The following AGO4 variants were observed in gnomAD, a reference collection of about 807,000 sequenced individuals.
AGO4 encodes the protein argonaute RISC component 4, also known as protein argonaute-4.
AGO4 carries 33 observed loss-of-function variants against 104.7 expected under a neutral mutation model. The observed-to-expected ratio is 0.32, with a 90% confidence interval of 0.24 to 0.42. The LOEUF is 0.42. Among genes scored for constraint, AGO4 ranks in the 10% least tolerant of loss-of-function variants. The pLI, the probability that AGO4 is intolerant of heterozygous loss-of-function variation, is 1.00. For missense variants in AGO4, 711 were observed against 1,083.4 expected (o/e 0.66, Z 4.83); for synonymous variants, 331 against 364.7 (o/e 0.91, Z 1.05).
chr1:35,820,021 G>A (rs1226280962), intron 2 of AGO4, among the ~76,000 whole-genome samples: 2 of 152,108 alleles, frequency 1.3e-5, no homozygotes, highest in Admixed American at 6.6e-5. Context: ...GATTAAAGGC[G>A]ATGAGGAAGT....
intron 17 of AGO4, 69 bp from the exon 18 acceptor site, chr1:35,853,425 TTTG>T (rs913923135): frequency 1.9e-4 from 264 of 1,426,050 alleles, no homozygotes; most frequent in East Asian, 9.1e-4. Context: ...TTTTTGTTTT[TTTG>T]TTGTTGTTGT....
chr1:35,833,964 C>A (rs966609258), intron 11 of AGO4, 26 bp from the exon 12 acceptor site: 7 of 1,425,408 alleles, frequency 4.9e-6, no homozygotes, highest in Non-Finnish European at 6.5e-6. Context: ...ATGAAAAAAA[C>A]CGTGTTACTG....
At position 35,850,902 on chromosome 1, in the gene AGO4, T is replaced by C; in HGVS notation, c.2326T>C (p.Phe776Leu). 6.2e-7 allele frequency: 1 copy of C among 1,613,526 alleles called. No homozygotes were observed. Among genetic ancestry groups the C allele is most frequent in the African/African-American group, 1.3e-5 (1 of 74,808 alleles). ...CCAGGTCTTGTGGGATGACAACTGCTTCACTGCAGATGAACTCCAGCTACT... is the reference window on the plus strand; with the variant it reads ...CCAGGTCTTGTGGGATGACAACTGCCTCACTGCAGATGAACTCCAGCTACT... The part of the protein sequence containing the change: ...HYQVLWDDNC[F>L]TADELQLLTY... The change falls in exon 17 of 18, where the codon TTC (phenylalanine) becomes CTC (leucine). Residue 776 changes from phenylalanine (F) to leucine (L), a missense_variant. Coordinates refer to ENST00000373210, the MANE Select transcript of AGO4 (RefSeq NM_017629.4).
At chr1:35,836,613 A>G (rs541674021) in intron 13 of AGO4, among the ~76,000 whole-genome samples, 1 of 152,130 alleles carries the variant, frequency 6.6e-6, no homozygotes, top group East Asian at 1.9e-4. Flanking sequence ...GTTTCACCAT[A>G]TTAGCCAGGA....
At chr1:35,819,253 A>G (rs1431155539) in intron 2 of AGO4, among the ~76,000 whole-genome samples, 1 of 152,130 alleles carries the variant, frequency 6.6e-6, no homozygotes, top group African/African-American at 2.4e-5. Context: ...GGAGTAGCAG[A>G]TCAGGAGACC....
intron 13 of AGO4, 140 bp downstream of exon 13, chr1:35,836,133 A>T: frequency 1.1e-6 from 1 of 925,786 alleles, no homozygotes. Context: ...ATTCCCAGAT[A>T]AAGATATAGA....
chr1:35,824,734 G>A (rs1557557752), intron 3 of AGO4, among the ~76,000 whole-genome samples: 2 of 152,058 alleles, frequency 1.3e-5, no homozygotes, highest in Non-Finnish European at 2.9e-5. Flanking sequence ...CCAGGACTTT[G>A]AGGCTACAAT....
intron 2 of AGO4, 64 bp downstream of exon 2, chr1:35,817,111 T>C (rs1643735330): frequency 6.9e-7 from 1 of 1,446,800 alleles, no homozygotes; most frequent in Non-Finnish European, 9.3e-7. Flanking sequence ...ATGTATCATA[T>C]TGTTCTCTAA....
Position 35,826,061 on chromosome 1 carries a change from G to C in AGO4, c.760+1G>C. On this transcript the variant is annotated splice_donor_variant, in intron 6 of 17. Coordinates refer to ENST00000373210, the MANE Select transcript of AGO4 (RefSeq NM_017629.4). LOFTEE classifies it high-confidence loss of function. The stretch of plus-strand genomic sequence containing the variant: ...GTCAAATTTACCAAAGAAATCAGAG[G>C]TAAGTGTTTGCATTAATGTAGTCTT... The C allele has an allele frequency of 6.2e-7, 1 of 1,613,790 alleles. No individual in the cohort carries two copies. The highest frequency in any genetic ancestry group is 8.5e-7 in the Non-Finnish European group (1 of 1,179,992).
At position 35,842,762 on chromosome 1, in the gene AGO4, A is replaced by G. The variant is rs191532413; in HGVS notation, c.2175+1012A>G. Among the ~76,000 whole-genome samples, 959 of 152,212 alleles carry G rather than the reference A, an allele frequency of 6.3e-3. 15 individuals carry two copies. Among genetic ancestry groups the G allele is most frequent in the African/African-American group, 0.022 (913 of 41,554 alleles). On this transcript the variant is annotated intron_variant, in intron 15 of 17. Transcript: ENST00000373210. ...GGTTGCAGTGAGCCGAGATCATACC[A>G]CTGCACTCCAGCCTGCACAGAGCAA...
chr1:35,835,609 G>A (rs1644294306), intron 12 of AGO4, among the ~76,000 whole-genome samples: 1 of 152,078 alleles, frequency 6.6e-6, no homozygotes, highest in Non-Finnish European at 1.5e-5. Context: ...ACTGGCTGCA[G>A]GGCCTGCAGG....
intron 1 of AGO4, among the ~76,000 whole-genome samples, chr1:35,814,981 G>T (rs944002487): frequency 6.6e-6 from 1 of 152,076 alleles, no homozygotes. Context: ...GGGTTCAAGC[G>T]ATTCTCCTGC....
chr1:35,819,412 A>G (rs1226983859), intron 2 of AGO4, among the ~76,000 whole-genome samples: 1 of 151,798 alleles, frequency 6.6e-6, no homozygotes, highest in Non-Finnish European at 1.5e-5. Context: ...CTTAGGCAAC[A>G]TGGCTAGACT....
chr1:35,826,613 A>G lies in AGO4; in HGVS notation c.761-135A>G. 2 of 776,864 alleles carry G rather than the reference A, an allele frequency of 2.6e-6. No individual in the cohort carries two copies. The highest frequency in any genetic ancestry group is 1.5e-5 in the South Asian group (1 of 65,978). The allele number at this position is 776,864 out of a possible 1,614,324, so 48.1% of individuals were successfully genotyped here. A position where few individuals can be genotyped will look rare whatever the true frequency, so the allele number is the denominator to read the frequency against. ...GCTTAACTCAGGTTTTTTGCCTATA[A>G]CGATGAAATTGTCCCCATATTCTTG... is the stretch of plus-strand genomic sequence containing the variant. On this transcript the variant is annotated intron_variant, in intron 6 of 17. Transcript: ENST00000373210.
At chr1:35,852,856 T>C (rs1425567381) in intron 17 of AGO4, among the ~76,000 whole-genome samples, 5 of 152,148 alleles carry the variant, frequency 3.3e-5, no homozygotes, top group Non-Finnish European at 7.4e-5. Context: ...CCTAAAGAAA[T>C]TAGCCAGACA....
rs908085714 is a variant in AGO4, at chr1:35,857,426, T to C, written c.*3821T>C. On this transcript the variant is annotated 3_prime_UTR_variant, in exon 18 of 18. Coordinates refer to ENST00000373210, the MANE Select transcript of AGO4 (RefSeq NM_017629.4). ...TGTTTGCATTTGTTCATTTGACTAA[T>C]GGTGTGATTTTTGTTTCTATATTAT... The C allele has an allele frequency of 1.3e-5, 2 of 152,238 alleles. No homozygotes were observed. Among genetic ancestry groups the C allele is most frequent in the Non-Finnish European group, 2.9e-5 (2 of 68,034 alleles). 9.4% of individuals were successfully genotyped at this position (152,238 alleles called of 1,614,324 possible). A position where few individuals can be genotyped will look rare whatever the true frequency, so the allele number is the denominator to read the frequency against.
At position 35,832,150 on chromosome 1, in the gene AGO4, G is replaced by A. The variant is rs1314287374; in HGVS notation, c.1210G>A (p.Val404Ile). ...HNEMTELTGR[V>I]LPAPMLQYGG... ...TGAAATGACAGAGCTCACAGGCAGG[G>A]TACTTCCAGCACCAATGCTGCAATA... Residue 404 changes from valine (V) to isoleucine (I), a missense_variant, in exon 10 of 18, where the codon GTA becomes ATA. Val to Ile is a conservative substitution (Grantham distance 29, BLOSUM62 3). Around this residue, in one of 3 missense-constraint regions of AGO4, gnomAD observed 401 missense variants for 665.5 expected, o/e 0.60. Coordinates refer to ENST00000373210, the MANE Select transcript of AGO4 (RefSeq NM_017629.4). The A allele has an allele frequency of 3.1e-6, 5 of 1,614,130 alleles. No individual in the cohort carries two copies. Among genetic ancestry groups the A allele is most frequent in the Non-Finnish European group, 3.4e-6 (4 of 1,180,012 alleles).
chr1:35,835,498 G>A (rs1644291549), intron 12 of AGO4, among the ~76,000 whole-genome samples: 2 of 152,210 alleles, frequency 1.3e-5, no homozygotes, highest in South Asian at 4.1e-4. Context: ...AGAGGGAGGA[G>A]CTGGGAAGAT....
rs1207474946 is a variant in AGO4 at position 35,834,074 on chromosome 1, A to G, written c.1464A>G (p.Gln488=). The G allele has an allele frequency of 1.2e-6, 2 of 1,611,756 alleles. No individual in the cohort carries two copies. Among genetic ancestry groups the G allele is most frequent in the South Asian group, 2.2e-5 (2 of 90,568 alleles). The part of the protein sequence containing the change: ...QGQPCFCKYA[Q]GADSVEPMFK... ...AGCCATGTTTCTGCAAGTATGCACA[A>G]GGTGCAGACAGTGTGGAGCCTATGT... The change falls in exon 12 of 18, where the codon CAA becomes CAG. Residue 488 remains glutamine (Q), a synonymous_variant. Coordinates refer to ENST00000373210, the MANE Select transcript of AGO4 (RefSeq NM_017629.4).
Sources: allele counts gnomAD v4.1 joint callset (sites outside exome capture counted in the v4.1 genomes callset), GRCh38; gene constraint gnomAD v4.1.1; regional missense constraint gnomAD v4.1.1; transcripts MANE v1.5; gene names NCBI Gene and HGNC (gene_info 2026-07-23, HGNC 2026-07-21).